ANXA8: variants seen among roughly 807,000 people sequenced by gnomAD.
ANXA8 encodes VAC-beta.
ANXA8 carries 9 observed loss-of-function variants against 26.8 expected under a neutral mutation model. The observed-to-expected ratio is 0.34, with a 90% CI of 0.20 to 0.59. ANXA8 has a LOEUF of 0.59. Among genes scored for constraint, ANXA8 ranks in the 20% least tolerant of loss-of-function variants. The probability of loss-of-function intolerance (pLI) is 0.84; values close to 1 mark genes in which losing one functional copy is unlikely to be tolerated. For synonymous variants in ANXA8, 39 were observed against 94.8 expected, an observed-to-expected ratio of 0.41 and a Z score of 3.42; for missense variants, 83 against 238.5, an observed-to-expected ratio of 0.35 and a Z score of 4.29.
chr10:47,940,728 C>A, the ANXA8 span, among the ~76,000 whole-genome samples: 1 of 145,858 alleles, frequency 6.9e-6, no homozygotes, highest in South Asian at 2.2e-4. Flanking sequence ...ACTCGGGAAG[C>A]TGAGGCAGAG....
At chr10:47,720,775 A>G in the ANXA8 span, among the ~76,000 whole-genome samples, 9 of 139,836 alleles carry the variant, frequency 6.4e-5, no homozygotes, top group African/African-American at 2.4e-4. Flanking sequence ...CTTTACAGAT[A>G]TTATGTTTGT....
chr10:47,632,226 C>G, the ANXA8 span, among the ~76,000 whole-genome samples: 1 of 150,392 alleles, frequency 6.6e-6, no homozygotes, highest in African/African-American at 2.5e-5. Context: ...CATATAGACA[C>G]AGGAAAAATA....
chr10:47,674,180 G>A, the ANXA8 span, among the ~76,000 whole-genome samples: 1 of 150,210 alleles, frequency 6.7e-6, no homozygotes, highest in Admixed American at 6.7e-5. Flanking sequence ...CACCCAGGCT[G>A]GAGTGCAGTG....
the ANXA8 span, among the ~76,000 whole-genome samples, chr10:47,664,285 G>A: frequency 3.9e-5 from 6 of 152,096 alleles, no homozygotes; most frequent in African/African-American, 1.5e-4. Flanking sequence ...GGCTGAGGCA[G>A]GAGAATTGCT....
the ANXA8 span, among the ~76,000 whole-genome samples, chr10:47,765,135 C>T: frequency 6.7e-6 from 1 of 148,254 alleles, no homozygotes; most frequent in East Asian, 2.0e-4. Context: ...CCAGGATAAC[C>T]ACCACCCCCA....
the ANXA8 span, among the ~76,000 whole-genome samples, chr10:47,522,515 TAC>T: frequency 6.0e-5 from 9 of 150,160 alleles, no homozygotes; most frequent in Admixed American, 2.0e-4. Flanking sequence ...GTGTTCAAAT[TAC>T]AGTTAGAAGA....
At chr10:47,664,221 CA>C in the ANXA8 span, among the ~76,000 whole-genome samples, 2 of 151,784 alleles carry the variant, frequency 1.3e-5, no homozygotes, top group African/African-American at 4.9e-5. Flanking sequence ...ACTAAAAATA[CA>C]AAAAAATGAG....
chr10:47,501,214 T>C, the ANXA8 span, among the ~76,000 whole-genome samples: 1 of 137,468 alleles, frequency 7.3e-6, no homozygotes, highest in South Asian at 2.4e-4. Context: ...TCCCAGCTAA[T>C]TTTTTGTATT....
the ANXA8 span, among the ~76,000 whole-genome samples, chr10:47,969,510 C>T: frequency 0.028 from 4,102 of 144,096 alleles, 98 homozygotes; most frequent in African/African-American, 0.096. Context: ...CATAAGGCTC[C>T]GGGTGGAGAC....
the ANXA8 span, among the ~76,000 whole-genome samples, chr10:47,941,759 A>C: frequency 0.79 from 116,311 of 147,020 alleles, 48,200 homozygotes; most frequent in South Asian, 0.82. Flanking sequence ...GAAGCAGGGT[A>C]ATTTGGGAAG....
At chr10:47,664,164 T>G in the ANXA8 span, among the ~76,000 whole-genome samples, 1 of 151,550 alleles carries the variant, frequency 6.6e-6, no homozygotes, top group African/African-American at 2.4e-5. Context: ...TCACCTGAGG[T>G]CAGGAGTTGG....
chr10:47,563,827 C>T, the ANXA8 span: 24 of 621,126 alleles, frequency 3.9e-5, no homozygotes, highest in South Asian at 2.0e-4. Context: ...TGCATCATTT[C>T]TCAATTACTC....
chr10:47,502,122 A>T, the ANXA8 span: 1 of 1,573,788 alleles, frequency 6.4e-7, no homozygotes, highest in Non-Finnish European at 8.6e-7. Flanking sequence ...ACGTTGATGC[A>T]CTCCTGGCTG....
the ANXA8 span, among the ~76,000 whole-genome samples, chr10:47,777,658 G>A: frequency 2.6e-5 from 4 of 152,238 alleles, no homozygotes; most frequent in Admixed American, 2.0e-4. Flanking sequence ...TTGGATGACA[G>A]CGCCTCTCTC....
chr10:47,665,693 G>C, the ANXA8 span, among the ~76,000 whole-genome samples: 3 of 150,122 alleles, frequency 2.0e-5, no homozygotes, highest in African/African-American at 7.6e-5. Flanking sequence ...ATAAGTGGTT[G>C]AAAGTCATCT....
chr10:47,547,377 C>T, the ANXA8 span, among the ~76,000 whole-genome samples: 36 of 134,206 alleles, frequency 2.7e-4, no homozygotes, highest in East Asian at 2.4e-3. Flanking sequence ...AATAAGCTAC[C>T]GTTTGTGTTT....
At chr10:47,651,190 A>T in the ANXA8 span, among the ~76,000 whole-genome samples, 5 of 151,306 alleles carry the variant, frequency 3.3e-5, no homozygotes, top group Admixed American at 6.6e-5. Context: ...GCAGAGCAAG[A>T]CCCTGTCTCT....
the ANXA8 span, among the ~76,000 whole-genome samples, chr10:47,910,772 TCG>T: frequency 1.5e-5 from 1 of 67,228 alleles, no homozygotes; most frequent in East Asian, 3.2e-4. Flanking sequence ...CAGGCCCTTA[TCG>T]GCTTCCGACT....
chr10:47,530,436 C>G, the ANXA8 span, among the ~76,000 whole-genome samples: 41 of 149,050 alleles, frequency 2.8e-4, no homozygotes, highest in African/African-American at 9.3e-4. Flanking sequence ...GCCTGTAATC[C>G]CAGCACTTTG....
Sources: allele counts gnomAD v4.1 joint callset (sites outside exome capture counted in the v4.1 genomes callset), GRCh38; gene constraint gnomAD v4.1.1; transcripts MANE v1.5; gene names NCBI Gene and HGNC (gene_info 2026-07-23, HGNC 2026-07-21).